PTPRD: variants seen among roughly 807,000 people sequenced by gnomAD.
The protein encoded by PTPRD is receptor-type tyrosine-protein phosphatase delta.
In PTPRD, 34 loss-of-function variants were observed where a neutral mutation model predicts 214.5. The ratio of observed to expected loss-of-function variants is 0.16; its 90% CI spans 0.12 to 0.21. The LOEUF is 0.21. Ranked by LOEUF, PTPRD falls within the 10% of genes least tolerant of loss-of-function variation. PTPRD has a pLI of 1.00. For missense variants in PTPRD, 2,545 were observed against 2,398.7 expected, an observed-to-expected ratio of 1.06 and a Z score of -1.27; for synonymous variants, 1,128 against 845.7, an observed-to-expected ratio of 1.33 and a Z score of -5.79.
chr9:9,464,629 G>C (rs778574198), intron 8 of PTPRD, among the ~76,000 whole-genome samples: 2 of 152,080 alleles, frequency 1.3e-5, no homozygotes, highest in Non-Finnish European at 2.9e-5. Flanking sequence ...TCTTAAGTCT[G>C]ATCACCTTAA....
intron 3 of PTPRD, among the ~76,000 whole-genome samples, chr9:10,199,864 C>G (rs1237344877): frequency 6.6e-6 from 1 of 151,272 alleles, no homozygotes; most frequent in Non-Finnish European, 1.5e-5. Flanking sequence ...GCAATACCAA[C>G]ATAACTACCA....
At chr9:8,720,575 A>G (rs530219761) in intron 12 of PTPRD, among the ~76,000 whole-genome samples, 45 of 152,386 alleles carry the variant, frequency 3.0e-4, no homozygotes, top group African/African-American at 1.1e-3. Context: ...CTTACTGCTG[A>G]CAATTTATAA....
chr9:8,455,017 T>C (rs2096129860), intron 33 of PTPRD, among the ~76,000 whole-genome samples: 1 of 152,200 alleles, frequency 6.6e-6, no homozygotes, highest in Admixed American at 6.5e-5. Flanking sequence ...AATTCGTTCA[T>C]TTAAAATAAA....
intron 3 of PTPRD, among the ~76,000 whole-genome samples, chr9:10,305,242 A>G (rs543980892): frequency 2.0e-5 from 3 of 152,154 alleles, no homozygotes; most frequent in Non-Finnish European, 4.4e-5. Context: ...CTTACACCTT[A>G]TAGCAAAATT....
intron 8 of PTPRD, among the ~76,000 whole-genome samples, chr9:9,566,601 T>C (rs1294716120): frequency 1.3e-5 from 2 of 151,988 alleles, no homozygotes; most frequent in African/African-American, 4.8e-5. Flanking sequence ...AGACTATGTA[T>C]TTAACATAAT....
chr9:10,477,752 T>C (rs2099072542), intron 2 of PTPRD, among the ~76,000 whole-genome samples: 1 of 152,008 alleles, frequency 6.6e-6, no homozygotes, highest in Non-Finnish European at 1.5e-5. Context: ...AGTGATACAC[T>C]GGATAAAGAT....
intron 3 of PTPRD, among the ~76,000 whole-genome samples, chr9:10,294,056 C>A (rs888412750): frequency 6.6e-6 from 1 of 151,870 alleles, no homozygotes; most frequent in South Asian, 2.1e-4. Context: ...CAGGAATCTA[C>A]AAAGTTCTAT....
intron 10 of PTPRD, among the ~76,000 whole-genome samples, chr9:9,134,267 G>A (rs1018909022): frequency 3.6e-5 from 5 of 140,634 alleles, no homozygotes; most frequent in Non-Finnish European, 7.5e-5. Context: ...TAGAGACGAG[G>A]TTTCACCTTG....
intron 11 of PTPRD, among the ~76,000 whole-genome samples, chr9:8,804,763 C>A (rs1452893729): frequency 4.6e-5 from 7 of 152,094 alleles, no homozygotes; most frequent in Non-Finnish European, 8.8e-5. Context: ...TTTTAGTGTG[C>A]TGAAGAAATA....
In PTPRD at chr9:10,279,542, C is replaced by T. The variant is rs866293898; in HGVS notation, c.-545+61421G>A. 1.2e-4 allele frequency among the ~76,000 whole-genome samples: 18 copies of T among 152,024 alleles called. No individual in the cohort carries two copies. The East Asian group carries it at 2.1e-3, about 18-fold the overall frequency. ...TTTATCATTTCACTGATAAAACTTT[C>T]GGAATACTATTTAAACTCCTTTGCT... On this transcript the variant is annotated intron_variant, in intron 3 of 45. Transcript: ENST00000381196.
intron 5 of PTPRD, among the ~76,000 whole-genome samples, chr9:9,847,401 G>A (rs2059739014): frequency 6.6e-6 from 1 of 152,010 alleles, no homozygotes; most frequent in Admixed American, 6.6e-5. Flanking sequence ...TGATACTTCA[G>A]GAAATTTTAT....
At chr9:9,742,629 T>C (rs2098415931) in intron 6 of PTPRD, among the ~76,000 whole-genome samples, 1 of 150,638 alleles carries the variant, frequency 6.6e-6, no homozygotes, top group Non-Finnish European at 1.5e-5. Context: ...GCCATATTCT[T>C]TATCAACCTT....
chr9:9,312,123 G>C (rs1959177872), intron 9 of PTPRD, among the ~76,000 whole-genome samples: 1 of 152,072 alleles, frequency 6.6e-6, no homozygotes, highest in African/African-American at 2.4e-5. Context: ...TAAACATTAA[G>C]CTTGATTTCA....
At chr9:9,248,553 A>G (rs1265120388) in intron 9 of PTPRD, among the ~76,000 whole-genome samples, 3 of 152,090 alleles carry the variant, frequency 2.0e-5, no homozygotes, top group African/African-American at 7.2e-5. Flanking sequence ...CTGATGTCTT[A>G]GAGTTTTAGA....
chr9:9,032,415 T>C (rs974948213), intron 10 of PTPRD, among the ~76,000 whole-genome samples: 1 of 152,056 alleles, frequency 6.6e-6, no homozygotes, highest in Non-Finnish European at 1.5e-5. Context: ...AAGAGTATTA[T>C]ACAAAAACAG....
chr9:9,546,974 A>T (rs1487953172), intron 8 of PTPRD, among the ~76,000 whole-genome samples: 13 of 151,884 alleles, frequency 8.6e-5, no homozygotes, highest in East Asian at 3.9e-4. Flanking sequence ...ATGTTAAAAA[A>T]AAAAATAAAA....
At chr9:9,058,554 A>G (rs1396141718) in intron 10 of PTPRD, among the ~76,000 whole-genome samples, 2 of 136,196 alleles carry the variant, frequency 1.5e-5, no homozygotes, top group Non-Finnish European at 3.1e-5. Flanking sequence ...GGTTCACGCC[A>G]TTCTCCTGCC....
In PTPRD at chr9:8,338,745, G is replaced by A. The variant is rs569170798; in HGVS notation, c.5379+177C>T. Among the ~76,000 whole-genome samples, 7 of 150,394 alleles carry A rather than the reference G, an allele frequency of 4.7e-5. No individual in the cohort carries two copies. In the East Asian group the frequency reaches 1.4e-3, roughly 30 times the overall value. On this transcript the variant is annotated intron_variant, in intron 43 of 45. Coordinates refer to ENST00000381196, the MANE Select transcript of PTPRD (RefSeq NM_002839.4). ...CTAAGGTTTGTGAGAAAGCTTGCCA[G>A]ACAGAGGAAAAGTTACTCTTACATA...
intron 3 of PTPRD, among the ~76,000 whole-genome samples, chr9:10,148,350 G>A (rs544653668): frequency 7.2e-5 from 11 of 152,250 alleles, no homozygotes; most frequent in African/African-American, 2.4e-4. Context: ...GTACATAAGT[G>A]TATCTGGCAT....
Sources: gnomAD v4.1 joint callset for allele counts (sites outside exome capture counted in the v4.1 genomes callset) on GRCh38, gnomAD v4.1.1 for gene constraint, MANE v1.5 for transcripts, NCBI Gene and HGNC (gene_info 2026-07-23, HGNC 2026-07-21) for gene names.